The following MYH13 variants were observed in gnomAD, a reference collection of about 807,000 sequenced individuals.
The protein encoded by MYH13 is myosin-13.
In MYH13, 177 loss-of-function variants were observed where a neutral mutation model predicts 232.1. The ratio of observed to expected loss-of-function variants is 0.76; its 90% CI spans 0.67 to 0.86. The LOEUF (loss-of-function observed/expected upper bound fraction) is 0.86, where lower values mean the gene tolerates loss of function less well. MYH13 is among the 40% of genes least tolerant of loss of function. The pLI, the probability that MYH13 is intolerant of heterozygous loss-of-function variation, is 0.00. For synonymous variants in MYH13, 884 were observed against 923.5 expected (o/e 0.96, Z 0.78); for missense variants, 2,246 against 2,405.9 (o/e 0.93, Z 1.39).
chr17:10,359,041 T>C (rs947268221), intron 7 of MYH13, among the ~76,000 whole-genome samples: 4 of 152,224 alleles, frequency 2.6e-5, no homozygotes, highest in African/African-American at 9.7e-5. Flanking sequence ...TGTGATGTAA[T>C]AGGAATGGTA....
Position 10,309,683 on chromosome 17 carries a change from G to T in MYH13, c.4804C>A (p.Gln1602Lys), listed in dbSNP as rs745333168. 1 of 1,609,382 alleles carries T rather than the reference G, an allele frequency of 6.2e-7. No individual in the cohort carries two copies. The highest frequency in any genetic ancestry group is 2.2e-5 in the East Asian group (1 of 44,750). ...CGGATTTCAGCATCCAGCACGCTCTGCAGGGCCTCTGCTGCCCGCTGGCTG... is the reference window on the plus strand; with the variant it reads ...CGGATTTCAGCATCCAGCACGCTCTTCAGGGCCTCTGCTGCCCGCTGGCTG... ...RNSQRAAEAL[Q>K]SVLDAEIRSR... is the part of the protein sequence containing the mutation. Residue 1602 changes from glutamine (Q) to lysine (K), a missense_variant, in exon 34 of 41, where the codon CAG becomes AAG. Coordinates refer to ENST00000252172, the MANE Select transcript of MYH13 (RefSeq NM_003802.3).
rs372494330 is a variant in MYH13 at position 10,321,727 on chromosome 17, C to T, written c.2935-19G>A. The stretch of plus-strand genomic sequence containing the variant: ...TCTTTACCTGGGACAATATTAACAC[C>T]GATTTAATATGGAAACGATTATGCC... On this transcript the variant is annotated intron_variant, in intron 23 of 40. Transcript: ENST00000252172. 294 of 1,588,534 alleles carry T rather than the reference C, an allele frequency of 1.9e-4. No individual in the cohort carries two copies. Among genetic ancestry groups the T allele is most frequent in the African/African-American group, 3.8e-4 (28 of 73,934 alleles).
At chr17:10,354,637 C>T (rs2071734533) in intron 11 of MYH13, 43 bp downstream of exon 11, 2 of 1,557,428 alleles carry the variant, frequency 1.3e-6, no homozygotes. Flanking sequence ...TTCATAAACT[C>T]AATAATTCTG....
At chr17:10,368,532 T>C (rs2071855107) in intron 2 of MYH13, among the ~76,000 whole-genome samples, 1 of 152,234 alleles carries the variant, frequency 6.6e-6, no homozygotes. Flanking sequence ...AAATTGTTAA[T>C]GAAACTTTTT....
intron 23 of MYH13, among the ~76,000 whole-genome samples, chr17:10,322,883 T>C (rs903277432): frequency 2.6e-5 from 4 of 152,162 alleles, no homozygotes; most frequent in African/African-American, 9.7e-5. Context: ...TCTGCCCACC[T>C]TGGCCTCCCA....
chr17:10,323,973 G>A (rs763578931), intron 23 of MYH13, 49 bp downstream of exon 23: 13 of 1,601,914 alleles, frequency 8.1e-6, no homozygotes, highest in Non-Finnish European at 1.1e-5. Flanking sequence ...TACAGAGAGA[G>A]AGAGTGAAGC....
intron 3 of MYH13, among the ~76,000 whole-genome samples, chr17:10,362,859 CA>C (rs1172425258): frequency 1.3e-5 from 2 of 152,230 alleles, no homozygotes; most frequent in African/African-American, 4.8e-5. Context: ...AGAACTGCTC[CA>C]AAGTGTTCTG....
intron 18 of MYH13, 99 bp from the exon 19 acceptor site, chr17:10,333,290 G>GT: frequency 1.2e-6 from 1 of 840,788 alleles, no homozygotes; most frequent in Non-Finnish European, 1.9e-6. Context: ...ACACTTGAGT[G>GT]GGAGAGTCAG....
intron 11 of MYH13, among the ~76,000 whole-genome samples, chr17:10,351,582 C>T (rs2142265503): frequency 6.6e-6 from 1 of 152,222 alleles, no homozygotes; most frequent in South Asian, 2.1e-4. Flanking sequence ...CCATGAAGCC[C>T]CTTTAGCTGT....
Position 10,306,706 on chromosome 17 carries a change from G to A in MYH13, c.5296-77C>T, listed in dbSNP as rs1906299484. 2 of 1,587,514 alleles carry A rather than the reference G, an allele frequency of 1.3e-6. No individual in the cohort carries two copies. Among genetic ancestry groups the A allele is most frequent in the African/African-American group, 1.3e-5 (1 of 74,252 alleles). On this transcript the variant is annotated intron_variant, in intron 36 of 40. Transcript: ENST00000252172. The surrounding 1 kb of genome is among the most constrained non-coding windows in gnomAD (Gnocchi z 4.3). ...AGAGCTTGCAGAAGAGGCGAAGGCT[G>A]GGATCATGGTGCTGAGCCTCCCCTG...
At position 10,315,897 on chromosome 17, in the gene MYH13, A is replaced by T; in HGVS notation, c.3865+2T>A. 6.2e-7 allele frequency: 1 copy of T among 1,613,414 alleles called. No individual in the cohort carries two copies. The highest frequency in any genetic ancestry group is 8.5e-7 in the Non-Finnish European group (1 of 1,179,752). On this transcript the variant is annotated splice_donor_variant, in intron 28 of 40. Coordinates refer to ENST00000252172, the MANE Select transcript of MYH13 (RefSeq NM_003802.3). LOFTEE classifies it high-confidence loss of function. ...TGGACCCAGAGCCCTGCCCATTCTC[A>T]CCATTTTGGGTCTGCAGTCTTGCTT... is the stretch of plus-strand genomic sequence containing the variant.
At chr17:10,356,600 C>A (rs1036800793) in intron 8 of MYH13, among the ~76,000 whole-genome samples, 1 of 152,166 alleles carries the variant, frequency 6.6e-6, no homozygotes, top group African/African-American at 2.4e-5. Context: ...TGCAAACTGG[C>A]AGTGCACAGG....
intron 33 of MYH13, among the ~76,000 whole-genome samples, chr17:10,310,285 T>A (rs1290254985): frequency 6.6e-6 from 1 of 152,016 alleles, no homozygotes; most frequent in Non-Finnish European, 1.5e-5. Flanking sequence ...AAGACAGGGT[T>A]TCACCATGTT....
chr17:10,335,434 C>T (rs1199646470), intron 18 of MYH13, among the ~76,000 whole-genome samples: 1 of 152,108 alleles, frequency 6.6e-6, no homozygotes, highest in Non-Finnish European at 1.5e-5. Context: ...TCTGCTTCAT[C>T]AGGTGGTTGA....
chr17:10,338,466 T>G (rs950098930), intron 18 of MYH13, among the ~76,000 whole-genome samples: 6 of 151,688 alleles, frequency 4.0e-5, no homozygotes, highest in African/African-American at 1.5e-4. Flanking sequence ...AAGTTTATAG[T>G]TCTGAGTGAT....
intron 24 of MYH13, 23 bp from the exon 25 acceptor site, chr17:10,320,519 A>T: frequency 1.2e-6 from 2 of 1,605,526 alleles, no homozygotes; most frequent in Non-Finnish European, 1.7e-6. Flanking sequence ...ACAGGTAGAA[A>T]ATTAAGCCCC....
intron 18 of MYH13, among the ~76,000 whole-genome samples, chr17:10,335,929 C>A (rs2071570749): frequency 6.6e-6 from 1 of 152,296 alleles, no homozygotes; most frequent in African/African-American, 2.4e-5. Flanking sequence ...CAGAAGAAAG[C>A]TGAAAGGACC....
chr17:10,355,828 CTT>C (rs61338527), intron 8 of MYH13, among the ~76,000 whole-genome samples: 1 of 66,814 alleles, frequency 1.5e-5, no homozygotes, highest in African/African-American at 6.5e-5. Context: ...TTCTGTCTGA[CTT>C]TTTTTTTTTT....
intron 1 of MYH13, among the ~76,000 whole-genome samples, chr17:10,371,998 C>A (rs1169927892): frequency 1.3e-5 from 2 of 152,104 alleles, no homozygotes; most frequent in Non-Finnish European, 2.9e-5. Flanking sequence ...TCCCAATTAC[C>A]ATTCAGTGCT....
Sources: gnomAD v4.1 joint callset for allele counts (sites outside exome capture counted in the v4.1 genomes callset) on GRCh38, gnomAD v4.1.1 for gene constraint, Gnocchi (gnomAD v3.1) non-coding constraint, MANE v1.5 for transcripts, NCBI Gene and HGNC (gene_info 2026-07-23, HGNC 2026-07-21) for gene names.